PTPN11: variants seen among roughly 807,000 people sequenced by gnomAD.
PTPN11 encodes protein tyrosine phosphatase non-receptor type 11, also known as tyrosine-protein phosphatase non-receptor type 11.
Under a neutral mutation model 78.8 loss-of-function variants are expected in PTPN11, and 6 were observed. The ratio of observed to expected loss-of-function variants is 0.08; its 90% CI spans 0.04 to 0.15. The LOEUF is 0.15. Among genes scored for constraint, PTPN11 ranks in the 10% least tolerant of loss-of-function variants. PTPN11 has a pLI of 1.00. For synonymous variants in PTPN11, 221 were observed against 263.5 expected, an observed-to-expected ratio of 0.84 and a Z score of 1.56; for missense variants, 386 against 744.8, an observed-to-expected ratio of 0.52 and a Z score of 5.61.
chr12:112,462,253 A>G (rs1198821057), intron 6 of PTPN11, among the ~76,000 whole-genome samples: 1 of 152,096 alleles, frequency 6.6e-6, no homozygotes, highest in Non-Finnish European at 1.5e-5. Flanking sequence ...CCAGCTATTG[A>G]GAGGCTGTGG....
intron 1 of PTPN11, among the ~76,000 whole-genome samples, chr12:112,445,891 C>T (rs576410565): frequency 6.6e-5 from 10 of 152,216 alleles, no homozygotes; most frequent in South Asian, 4.1e-4. Context: ...CTGCCTGCCT[C>T]GGCCTCCCAA....
intron 1 of PTPN11, among the ~76,000 whole-genome samples, chr12:112,436,691 T>C (rs969815738): frequency 6.6e-6 from 1 of 152,130 alleles, no homozygotes; most frequent in African/African-American, 2.4e-5. Flanking sequence ...TTCATTGCTT[T>C]TATAATAGAA....
intron 7 of PTPN11, among the ~76,000 whole-genome samples, chr12:112,476,387 A>C (rs2038503064): frequency 6.6e-6 from 1 of 152,186 alleles, no homozygotes; most frequent in African/African-American, 2.4e-5. Flanking sequence ...GAGCACTCAG[A>C]TTTTTATACG....
intron 1 of PTPN11, among the ~76,000 whole-genome samples, chr12:112,428,625 ATT>A (rs1432503489): frequency 6.6e-6 from 1 of 151,452 alleles, no homozygotes; most frequent in Admixed American, 6.6e-5. Flanking sequence ...ACTGGGAAGC[ATT>A]TTTGGTAATT....
At chr12:112,464,991 G>A (rs1357046634) in intron 6 of PTPN11, among the ~76,000 whole-genome samples, 1 of 152,192 alleles carries the variant, frequency 6.6e-6, no homozygotes, top group Non-Finnish European at 1.5e-5. Context: ...TTGAAACAAA[G>A]TAAAGTTCTG....
At position 112,504,564 on chromosome 12, in the gene PTPN11, T is replaced by C; in HGVS notation, c.1713-131T>C. 1.4e-6 allele frequency: 1 copy of C among 709,526 alleles called. No individual in the cohort carries two copies. Among genetic ancestry groups the C allele is most frequent in the East Asian group, 2.7e-5 (1 of 36,388 alleles). 44.0% of individuals were successfully genotyped at this position (709,526 alleles called of 1,614,324 possible). A position where few individuals can be genotyped will look rare whatever the true frequency, so the allele number is the denominator to read the frequency against. Reference sequence around the variant, plus strand: ...TTCTCTCCCTGGGAATGTCAGGTCCTAGGCACAGGAACTGTGTCTGTACCA... The same window carrying C: ...TTCTCTCCCTGGGAATGTCAGGTCCCAGGCACAGGAACTGTGTCTGTACCA... On this transcript the variant is annotated intron_variant, in intron 14 of 15. Coordinates refer to ENST00000351677, the MANE Select transcript of PTPN11 (RefSeq NM_002834.5). This position sits in a 1 kb window ranked among gnomAD's most constrained non-coding sequence, Gnocchi z 4.7.
At position 112,455,937 on chromosome 12, in the gene PTPN11, T is replaced by C; in HGVS notation, c.643-13T>C. On this transcript the variant is annotated splice_polypyrimidine_tract_variant and intron_variant, in intron 5 of 15. Transcript: ENST00000351677. ...ATTTTCTTTATTTTACATCAACTGC[T>C]GTACTCGATCAGCCCCTTAACACGA... The C allele has an allele frequency of 7.0e-7, 1 of 1,436,256 alleles. No homozygotes were observed. The highest frequency in any genetic ancestry group is 9.8e-7 in the Non-Finnish European group (1 of 1,019,584). 89.0% of individuals were successfully genotyped at this position (1,436,256 alleles called of 1,614,324 possible).
intron 13 of PTPN11, 66 bp from the exon 14 acceptor site, chr12:112,502,066 TGGGCAAAATACC>T: frequency 1.7e-6 from 2 of 1,172,548 alleles, no homozygotes; most frequent in Admixed American, 3.7e-5. Flanking sequence ...TTTCTTTTTT[TGGGCAAAATACC>T]TTTTTTGCTT....
At chr12:112,462,638 G>T (rs964757241) in intron 6 of PTPN11, among the ~76,000 whole-genome samples, 16 of 152,094 alleles carry the variant, frequency 1.1e-4, no homozygotes, top group African/African-American at 2.9e-4. Context: ...AAAAATATAA[G>T]AAGATATTCC....
intron 1 of PTPN11, among the ~76,000 whole-genome samples, chr12:112,422,428 C>G (rs1427290487): frequency 2.0e-5 from 3 of 152,120 alleles, no homozygotes; most frequent in African/African-American, 7.2e-5. Flanking sequence ...TTTGTGAAAC[C>G]AACAAAGCTG....
chr12:112,424,379 T>C (rs1318219145), intron 1 of PTPN11, among the ~76,000 whole-genome samples: 1 of 150,522 alleles, frequency 6.6e-6, no homozygotes, highest in Non-Finnish European at 1.5e-5. Flanking sequence ...GAGTGTAGAT[T>C]GTATTTTTAG....
chr12:112,431,529 T>G (rs2037712717), intron 1 of PTPN11, among the ~76,000 whole-genome samples: 1 of 151,662 alleles, frequency 6.6e-6, no homozygotes, highest in Non-Finnish European at 1.5e-5. Context: ...AGAAGCAGGG[T>G]TTTTTTTGAG....
intron 1 of PTPN11, among the ~76,000 whole-genome samples, chr12:112,436,693 A>G (rs980769007): frequency 2.6e-5 from 4 of 151,498 alleles, no homozygotes; most frequent in African/African-American, 4.8e-5. Flanking sequence ...CATTGCTTTT[A>G]TAATAGAAAT....
At chr12:112,452,226 A>ATTAC (rs1432189726) in intron 3 of PTPN11, among the ~76,000 whole-genome samples, 2 of 147,854 alleles carry the variant, frequency 1.4e-5, no homozygotes, top group African/African-American at 5.0e-5. Context: ...ATTTTTACAA[A>ATTAC]TTATTTATTT....
chr12:112,452,031 A>G (rs915482957), intron 3 of PTPN11, among the ~76,000 whole-genome samples: 2 of 151,452 alleles, frequency 1.3e-5, no homozygotes, highest in Non-Finnish European at 2.9e-5. Context: ...ATGTGCCACC[A>G]TGCCCAGTTA....
At chr12:112,474,460 C>T (rs2038468147) in intron 7 of PTPN11, among the ~76,000 whole-genome samples, 1 of 151,790 alleles carries the variant, frequency 6.6e-6, no homozygotes, top group Non-Finnish European at 1.5e-5. Flanking sequence ...TCAAGTAGTC[C>T]TCCTGCCTCA....
chr12:112,469,493 G>T (rs1377705369), intron 6 of PTPN11, among the ~76,000 whole-genome samples: 1 of 151,860 alleles, frequency 6.6e-6, no homozygotes, highest in African/African-American at 2.4e-5. Flanking sequence ...TAAAATTTGT[G>T]CAAGTAAGGG....
chr12:112,419,858 C>T (rs141333539), intron 1 of PTPN11, among the ~76,000 whole-genome samples: 1 of 152,306 alleles, frequency 6.6e-6, no homozygotes, highest in East Asian at 1.9e-4. Context: ...CCAGAAGCAA[C>T]ATGCTAGTAA....
chr12:112,436,709 CTT>C (rs769027606), intron 1 of PTPN11, among the ~76,000 whole-genome samples: 25 of 135,668 alleles, frequency 1.8e-4, no homozygotes, highest in Non-Finnish European at 2.9e-4. Flanking sequence ...GAAATGAAGG[CTT>C]TTTTTTTTTT....
Sources: gnomAD v4.1 joint callset for allele counts (sites outside exome capture counted in the v4.1 genomes callset) on GRCh38, gnomAD v4.1.1 for gene constraint, Gnocchi (gnomAD v3.1) non-coding constraint, MANE v1.5 for transcripts, NCBI Gene and HGNC (gene_info 2026-07-23, HGNC 2026-07-21) for gene names.